SSBP2: variants seen among roughly 807,000 people sequenced by gnomAD.
SSBP2 encodes single-stranded DNA-binding protein 2.
Under a neutral mutation model 61.8 loss-of-function variants are expected in SSBP2, and 17 were observed. The observed-to-expected ratio is 0.28, with a 90% CI of 0.19 to 0.41. The LOEUF is 0.41. Among genes scored for constraint, SSBP2 ranks in the 10% least tolerant of loss-of-function variants. SSBP2 has a pLI of 1.00. For missense variants in SSBP2, 310 were observed against 458.7 expected, an observed-to-expected ratio of 0.68 and a Z score of 2.96; for synonymous variants, 139 against 141.3, an observed-to-expected ratio of 0.98 and a Z score of 0.12.
intron 4 of SSBP2, among the ~76,000 whole-genome samples, chr5:81,550,220 C>T (rs1272334840): frequency 6.6e-6 from 1 of 152,132 alleles, no homozygotes; most frequent in Admixed American, 6.5e-5. Flanking sequence ...GAAAGAATAA[C>T]TATGCTTCTG....
At chr5:81,421,057 G>A (rs1293822524) in intron 16 of SSBP2, among the ~76,000 whole-genome samples, 2 of 152,172 alleles carry the variant, frequency 1.3e-5, no homozygotes, top group African/African-American at 4.8e-5. Context: ...GCAAGTGTTA[G>A]GTTAATACTG....
intron 1 of SSBP2, among the ~76,000 whole-genome samples, chr5:81,714,110 A>G (rs905954796): frequency 6.6e-6 from 1 of 151,910 alleles, no homozygotes; most frequent in African/African-American, 2.4e-5. Flanking sequence ...CCCTGCGCCC[A>G]TATGTTCTCA....
chr5:81,656,502 A>C (rs1026166105), intron 1 of SSBP2, among the ~76,000 whole-genome samples: 14 of 152,336 alleles, frequency 9.2e-5, no homozygotes, highest in Middle Eastern at 3.4e-3. Context: ...CTGGGGGAAC[A>C]GGTGGTATTT....
chr5:81,588,357 G>C (rs1485039194), intron 4 of SSBP2, among the ~76,000 whole-genome samples: 1 of 151,976 alleles, frequency 6.6e-6, no homozygotes, highest in Non-Finnish European at 1.5e-5. Flanking sequence ...TTCCTACCTA[G>C]GATACAAACT....
At chr5:81,426,257 AGCC>A (rs1396558833) in intron 16 of SSBP2, among the ~76,000 whole-genome samples, 4 of 152,238 alleles carry the variant, frequency 2.6e-5, no homozygotes, top group Non-Finnish European at 4.4e-5. Context: ...TGACAAAGAA[AGCC>A]ACACATAACA....
chr5:81,549,891 C>T (rs141391577), intron 4 of SSBP2, among the ~76,000 whole-genome samples: 16 of 152,236 alleles, frequency 1.1e-4, no homozygotes, highest in South Asian at 4.2e-4. Context: ...TTTTGAAGTA[C>T]GGTAAGTCAC....
chr5:81,551,562 T>C (rs1002194141), intron 4 of SSBP2, among the ~76,000 whole-genome samples: 1 of 152,146 alleles, frequency 6.6e-6, no homozygotes, highest in African/African-American at 2.4e-5. Context: ...AGGCGGCAAT[T>C]TTCCACTTGC....
chr5:81,501,527 A>G (rs926976351), intron 5 of SSBP2, among the ~76,000 whole-genome samples: 1 of 144,438 alleles, frequency 6.9e-6, no homozygotes, highest in African/African-American at 2.5e-5. Flanking sequence ...CAGTTACTCT[A>G]TTCCCTGGTG....
chr5:81,731,071 T>C (rs2153991072), intron 1 of SSBP2, among the ~76,000 whole-genome samples: 2 of 152,332 alleles, frequency 1.3e-5, no homozygotes, highest in Middle Eastern at 3.4e-3. Context: ...TAAACTTCAA[T>C]GAAAACAAGT....
intron 1 of SSBP2, among the ~76,000 whole-genome samples, chr5:81,672,875 C>CT (rs574442708): frequency 0.011 from 1,577 of 140,888 alleles, 12 homozygotes; most frequent in African/African-American, 0.023. Context: ...CACCTGGCCT[C>CT]TTTTTTTTTT....
At chr5:81,680,361 C>T (rs1752296865) in intron 1 of SSBP2, among the ~76,000 whole-genome samples, 1 of 147,696 alleles carries the variant, frequency 6.8e-6, no homozygotes, top group African/African-American at 2.5e-5. Flanking sequence ...ATAATATAAT[C>T]TATATAATTA....
At chr5:81,695,507 AC>A (rs1753537750) in intron 1 of SSBP2, among the ~76,000 whole-genome samples, 1 of 56,480 alleles carries the variant, frequency 1.8e-5, no homozygotes. Flanking sequence ...CCCTCCCCCC[AC>A]CCCACGACAG....
intron 15 of SSBP2, among the ~76,000 whole-genome samples, chr5:81,436,285 C>A (rs1157598797): frequency 2.0e-5 from 3 of 148,226 alleles, no homozygotes; most frequent in Non-Finnish European, 4.5e-5. Flanking sequence ...AATAAAGTTA[C>A]ATAGGCAATT....
At chr5:81,732,036 C>A (rs1342845520) in intron 1 of SSBP2, among the ~76,000 whole-genome samples, 1 of 152,008 alleles carries the variant, frequency 6.6e-6, no homozygotes, top group Non-Finnish European at 1.5e-5. Flanking sequence ...TCGAGGTTAC[C>A]TCTAATATCA....
At chr5:81,657,854 AT>A (rs1190387272) in intron 1 of SSBP2, among the ~76,000 whole-genome samples, 2 of 152,090 alleles carry the variant, frequency 1.3e-5, no homozygotes, top group Admixed American at 1.3e-4. Flanking sequence ...GGGAAGGAGG[AT>A]TTAGCTATTT....
At chr5:81,458,973 C>T (rs555400906) in intron 10 of SSBP2, among the ~76,000 whole-genome samples, 2 of 152,292 alleles carry the variant, frequency 1.3e-5, no homozygotes, top group South Asian at 2.1e-4. Flanking sequence ...TTTCCCTATT[C>T]TCATACTTTG....
chr5:81,599,130 G>C (rs1744086501), intron 4 of SSBP2, among the ~76,000 whole-genome samples: 1 of 152,142 alleles, frequency 6.6e-6, no homozygotes, highest in Admixed American at 6.5e-5. Flanking sequence ...AGGACTACCT[G>C]ATAAGTGAAA....
At chr5:81,582,481 T>C (rs1774732863) in intron 4 of SSBP2, among the ~76,000 whole-genome samples, 1 of 152,216 alleles carries the variant, frequency 6.6e-6, no homozygotes, top group Non-Finnish European at 1.5e-5. Flanking sequence ...AAATTAACTT[T>C]ATAATATGTA....
At chr5:81,645,898 C>T (rs1394222653) in intron 2 of SSBP2, among the ~76,000 whole-genome samples, 2 of 151,976 alleles carry the variant, frequency 1.3e-5, no homozygotes, top group Admixed American at 6.6e-5. Flanking sequence ...TTGGCACAAC[C>T]TAGTTAGAGA....
Sources: allele counts gnomAD v4.1 joint callset (sites outside exome capture counted in the v4.1 genomes callset), GRCh38; gene constraint gnomAD v4.1.1; transcripts MANE v1.5; gene names NCBI Gene and HGNC (gene_info 2026-07-23, HGNC 2026-07-21).